MTUS1: variants seen among roughly 807,000 people sequenced by gnomAD.
MTUS1 encodes the protein microtubule associated scaffold protein 1, also known as microtubule-associated tumor suppressor 1.
A neutral mutation model predicts 120.8 loss-of-function variants in MTUS1; 109 were observed. The ratio of observed to expected loss-of-function variants is 0.90; its 90% CI spans 0.77 to 1.06. MTUS1 has a LOEUF of 1.06. Among genes scored for constraint, MTUS1 ranks in the 50% least tolerant of loss-of-function variants. The pLI is 0.00. For synonymous variants in MTUS1, 737 were observed against 550.5 expected (o/e 1.34, Z -4.74); for missense variants, 2,210 against 1,486.3 (o/e 1.49, Z -8.01).
intron 3 of MTUS1, among the ~76,000 whole-genome samples, chr8:17,725,953 G>C (rs2046201786): frequency 6.6e-6 from 1 of 152,102 alleles, no homozygotes; most frequent in Admixed American, 6.6e-5. Flanking sequence ...AGGCTTAAAA[G>C]GCAATGTGGG....
At position 17,645,802 on chromosome 8, in the gene MTUS1, C is replaced by G; in HGVS notation, c.*124G>C. On this transcript the variant is annotated 3_prime_UTR_variant, in exon 15 of 15. Coordinates refer to ENST00000693296, the MANE Select transcript of MTUS1 (RefSeq NM_001363059.2). ...CTGCGATTCCGCCGGTGGTGACGCT[C>G]CAGTTACCCTACGGTGATCACACGT... 2 of 1,286,854 alleles carry G rather than the reference C, an allele frequency of 1.6e-6. No homozygotes were observed. The highest frequency in any genetic ancestry group is 2.0e-6 in the Non-Finnish European group (2 of 982,246). 79.7% of individuals were successfully genotyped at this position (1,286,854 alleles called of 1,614,324 possible). A position where few individuals can be genotyped will look rare whatever the true frequency, so the allele number is the denominator to read the frequency against.
At chr8:17,669,051 G>A (rs1451206669) in intron 8 of MTUS1, among the ~76,000 whole-genome samples, 1 of 152,212 alleles carries the variant, frequency 6.6e-6, no homozygotes, top group Non-Finnish European at 1.5e-5. Context: ...CCAAGCACAA[G>A]GTGGGAGAAC....
chr8:17,748,903 T>C (rs1199676170), intron 2 of MTUS1, among the ~76,000 whole-genome samples: 1 of 152,204 alleles, frequency 6.6e-6, no homozygotes, highest in Non-Finnish European at 1.5e-5. Flanking sequence ...GTTTCTATTC[T>C]ACATAGAGGA....
chr8:17,724,787 A>C (rs2046103118), intron 3 of MTUS1, among the ~76,000 whole-genome samples: 1 of 152,106 alleles, frequency 6.6e-6, no homozygotes, highest in Non-Finnish European at 1.5e-5. Context: ...CCATTGTCCT[A>C]TGCGGATGAA....
At chr8:17,746,276 C>T (rs2047734787) in intron 2 of MTUS1, among the ~76,000 whole-genome samples, 2 of 152,162 alleles carry the variant, frequency 1.3e-5, no homozygotes, top group South Asian at 2.1e-4. Flanking sequence ...ACATGTTCAA[C>T]CAGTACTCTC....
chr8:17,745,160 T>C (rs543687907), intron 2 of MTUS1, among the ~76,000 whole-genome samples: 2 of 152,304 alleles, frequency 1.3e-5, no homozygotes, highest in Admixed American at 6.5e-5. Context: ...TACCACTTCC[T>C]TGTGGTATTA....
At chr8:17,720,152 C>A (rs1159257968) in intron 4 of MTUS1, among the ~76,000 whole-genome samples, 1 of 152,134 alleles carries the variant, frequency 6.6e-6, no homozygotes, top group African/African-American at 2.4e-5. Context: ...CGAGACCATC[C>A]TGGCCAACAT....
chr8:17,698,494 T>A (rs1362182764), intron 6 of MTUS1, among the ~76,000 whole-genome samples: 1 of 152,214 alleles, frequency 6.6e-6, no homozygotes, highest in Non-Finnish European at 1.5e-5. Flanking sequence ...CTCTTAACAT[T>A]TTTAAAAATG....
chr8:17,651,222 G>A (rs1806921453), intron 12 of MTUS1, among the ~76,000 whole-genome samples: 1 of 152,096 alleles, frequency 6.6e-6, no homozygotes, highest in African/African-American at 2.4e-5. Context: ...ATGAGGAGAG[G>A]TTGGTTAATG....
Position 17,713,293 on chromosome 8 carries a change from T to G in MTUS1, c.2585-41A>C, listed in dbSNP as rs546892108. 1.4e-4 allele frequency: 163 copies of G among 1,145,336 alleles called. 3 individuals carry two copies. The South Asian group carries it at 2.0e-3, about 14-fold the overall frequency. 70.9% of individuals were successfully genotyped at this position (1,145,336 alleles called of 1,614,324 possible). On this transcript the variant is annotated intron_variant, in intron 5 of 14. Coordinates refer to ENST00000693296, the MANE Select transcript of MTUS1 (RefSeq NM_001363059.2). Reference sequence around the variant, plus strand: ...AACATGTAAAATACATATGTTTTATTTGACATATCACATAAAAACAAACCA... The same window carrying G: ...AACATGTAAAATACATATGTTTTATGTGACATATCACATAAAAACAAACCA...
At chr8:17,716,776 G>A (rs148243759) in intron 4 of MTUS1, among the ~76,000 whole-genome samples, 14 of 152,080 alleles carry the variant, frequency 9.2e-5, no homozygotes, top group African/African-American at 2.7e-4. Flanking sequence ...GGATGGTCTC[G>A]ATCTCCTGAC....
At position 17,742,311 on chromosome 8, in the gene MTUS1, T is replaced by TA. The variant is rs1480891535; in HGVS notation, c.2287+1292dup. Among the ~76,000 whole-genome samples, 147 of 139,562 alleles carry TA rather than the reference T, an allele frequency of 1.1e-3. 7 individuals carry two copies. Among genetic ancestry groups the TA allele is most frequent in the Middle Eastern group, 7.5e-3 (2 of 266 alleles). The allele number at this position is 139,562 out of a possible 152,430, so 91.6% of individuals were successfully genotyped here. A position where few individuals can be genotyped will look rare whatever the true frequency, so the allele number is the denominator to read the frequency against. The stretch of plus-strand genomic sequence containing the variant: ...TTGTTGTTTTTTTTTTTTTTTTTTT[T>TA]AGAGATAGTGTCTTGCTATGTTGCC... On this transcript the variant is annotated intron_variant, in intron 3 of 14. Transcript: ENST00000693296.
chr8:17,671,423 C>T (rs2130596843), intron 8 of MTUS1, among the ~76,000 whole-genome samples: 1 of 152,208 alleles, frequency 6.6e-6, no homozygotes, highest in East Asian at 1.9e-4. Flanking sequence ...AACAAGAAAA[C>T]ACGAGACAGT....
chr8:17,783,770 A>G (rs1258495745), intron 1 of MTUS1, among the ~76,000 whole-genome samples: 1 of 152,184 alleles, frequency 6.6e-6, no homozygotes, highest in African/African-American at 2.4e-5. Context: ...TACCCCCAGC[A>G]GTAATTTCTC....
intron 6 of MTUS1, among the ~76,000 whole-genome samples, chr8:17,692,803 A>G (rs930497479): frequency 5.9e-5 from 9 of 152,164 alleles, no homozygotes; most frequent in African/African-American, 2.2e-4. Context: ...ACTCTGTGAC[A>G]TGAGTTTACC....
chr8:17,696,784 C>T (rs1353275655), intron 6 of MTUS1, among the ~76,000 whole-genome samples: 2 of 152,140 alleles, frequency 1.3e-5, no homozygotes, highest in Non-Finnish European at 2.9e-5. Context: ...TGTTTTCTGT[C>T]AGAAGTGTTT....
chr8:17,747,710 G>C (rs904937054), intron 2 of MTUS1, among the ~76,000 whole-genome samples: 4 of 152,144 alleles, frequency 2.6e-5, no homozygotes, highest in Non-Finnish European at 5.9e-5. Flanking sequence ...GACTCACTTG[G>C]TAGGGGAGAC....
intron 9 of MTUS1, 39 bp downstream of exon 9, chr8:17,655,824 C>G (rs1808084717): frequency 1.3e-6 from 2 of 1,581,488 alleles, no homozygotes; most frequent in Non-Finnish European, 1.7e-6. Flanking sequence ...AAGTAAGCAG[C>G]AGAGGCCTCA....
At chr8:17,719,991 T>C (rs968610737) in intron 4 of MTUS1, among the ~76,000 whole-genome samples, 5 of 149,008 alleles carry the variant, frequency 3.4e-5, no homozygotes, top group South Asian at 2.1e-4. Flanking sequence ...CAGAGGAGAG[T>C]ATGGAGGCTG....
Sources: gnomAD v4.1 joint callset for allele counts (sites outside exome capture counted in the v4.1 genomes callset) on GRCh38, gnomAD v4.1.1 for gene constraint, MANE v1.5 for transcripts, NCBI Gene and HGNC (gene_info 2026-07-23, HGNC 2026-07-21) for gene names.